Variants in MACROD2 observed in about 807,000 individuals in gnomAD.
MACROD2 encodes ADP-ribose glycohydrolase MACROD2.
In MACROD2, 36 loss-of-function variants were observed where a neutral mutation model predicts 70.4. The ratio of observed to expected loss-of-function variants is 0.51; its 90% CI spans 0.39 to 0.68. The LOEUF (loss-of-function observed/expected upper bound fraction) is 0.68, where lower values mean the gene tolerates loss of function less well. Among genes scored for constraint, MACROD2 ranks in the 30% least tolerant of loss-of-function variants. The probability of loss-of-function intolerance (pLI) is 0.00; values close to 1 mark genes in which losing one functional copy is unlikely to be tolerated. For missense variants in MACROD2, 496 were observed against 538.4 expected (o/e 0.92, Z 0.78); for synonymous variants, 172 against 178.8 (o/e 0.96, Z 0.30).
intron 3 of MACROD2, among the ~76,000 whole-genome samples, chr20:14,430,913 C>G (rs1400870829): frequency 6.6e-6 from 1 of 152,150 alleles, no homozygotes; most frequent in East Asian, 1.9e-4. Context: ...GAGTCTCAGA[C>G]TTTTGGAGCT....
At chr20:15,841,608 G>A (rs537904384) in intron 8 of MACROD2, among the ~76,000 whole-genome samples, 1 of 152,026 alleles carries the variant, frequency 6.6e-6, no homozygotes, top group African/African-American at 2.4e-5. Flanking sequence ...TTTACGGGAT[G>A]GTGCTAAGAC....
chr20:14,350,806 G>T (rs1484883326), intron 3 of MACROD2, among the ~76,000 whole-genome samples: 3 of 152,116 alleles, frequency 2.0e-5, no homozygotes, highest in Non-Finnish European at 4.4e-5. Context: ...CTGTGCTTGT[G>T]GGGTATTACT....
intron 4 of MACROD2, among the ~76,000 whole-genome samples, chr20:14,510,732 A>G (rs1296539755): frequency 1.3e-5 from 2 of 152,108 alleles, no homozygotes; most frequent in African/African-American, 4.8e-5. Flanking sequence ...GAGGGCACAA[A>G]TAGCCTCTAT....
chr20:15,981,708 C>T (rs1488496391), intron 13 of MACROD2, among the ~76,000 whole-genome samples: 6 of 152,124 alleles, frequency 3.9e-5, no homozygotes, highest in African/African-American at 7.2e-5. Context: ...GTCTTTGAAC[C>T]TCCTTTCTTA....
At chr20:14,752,684 C>T (rs919788972) in intron 5 of MACROD2, among the ~76,000 whole-genome samples, 3 of 152,056 alleles carry the variant, frequency 2.0e-5, no homozygotes, top group Non-Finnish European at 4.4e-5. Flanking sequence ...AGGTAAAATG[C>T]CTGACAGACC....
At chr20:14,302,025 A>G (rs1287662147) in intron 3 of MACROD2, among the ~76,000 whole-genome samples, 3 of 152,226 alleles carry the variant, frequency 2.0e-5, no homozygotes, top group African/African-American at 7.2e-5. Flanking sequence ...AGTACAGTAT[A>G]TAGTTTTCTG....
intron 15 of MACROD2, among the ~76,000 whole-genome samples, chr20:16,010,733 C>T (rs1179195411): frequency 6.6e-6 from 1 of 152,174 alleles, no homozygotes; most frequent in Non-Finnish European, 1.5e-5. Flanking sequence ...TCCATCCCTT[C>T]TGGGGAAAGA....
chr20:14,100,819 CAT>C (rs1422276753), intron 3 of MACROD2, among the ~76,000 whole-genome samples: 4 of 127,938 alleles, frequency 3.1e-5, no homozygotes, highest in African/African-American at 1.1e-4. Flanking sequence ...AATCATATAT[CAT>C]ATATAACATA....
At chr20:15,037,697 A>C (rs1469567428) in intron 5 of MACROD2, among the ~76,000 whole-genome samples, 2 of 151,236 alleles carry the variant, frequency 1.3e-5, no homozygotes, top group African/African-American at 4.9e-5. Flanking sequence ...TTTTTTTTGA[A>C]CCAGACTTGA....
intron 5 of MACROD2, among the ~76,000 whole-genome samples, chr20:15,186,833 A>T (rs750360463): frequency 2.1e-4 from 32 of 152,184 alleles, no homozygotes; most frequent in Non-Finnish European, 4.1e-4. Flanking sequence ...ATATCTTAGA[A>T]GTCTCATTTG....
At chr20:14,777,389 C>CA (rs2072247054) in intron 5 of MACROD2, among the ~76,000 whole-genome samples, 1 of 151,952 alleles carries the variant, frequency 6.6e-6, no homozygotes, top group African/African-American at 2.4e-5. Flanking sequence ...TAGATCCCAC[C>CA]AAGATGGCTG....
At chr20:14,449,232 G>A (rs2084218520) in intron 3 of MACROD2, among the ~76,000 whole-genome samples, 1 of 152,056 alleles carries the variant, frequency 6.6e-6, no homozygotes, top group Admixed American at 6.6e-5. Flanking sequence ...AATTGAAAAA[G>A]TTGCTCTTAA....
At chr20:15,567,735 A>G (rs549479021) in intron 8 of MACROD2, among the ~76,000 whole-genome samples, 1 of 152,354 alleles carries the variant, frequency 6.6e-6, no homozygotes, top group South Asian at 2.1e-4. Flanking sequence ...TCCAGGTGGT[A>G]GCACATGAGT....
intron 8 of MACROD2, among the ~76,000 whole-genome samples, chr20:15,505,581 C>T (rs1028808641): frequency 5.9e-5 from 9 of 152,100 alleles, no homozygotes; most frequent in African/African-American, 2.2e-4. Context: ...TGAGGATGGA[C>T]TCCTTCCCGC....
At chr20:14,017,066 G>C (rs1016394797) in intron 2 of MACROD2, among the ~76,000 whole-genome samples, 2 of 151,864 alleles carry the variant, frequency 1.3e-5, no homozygotes, top group African/African-American at 4.8e-5. Context: ...TCACATCCTT[G>C]GTTAAGTATA....
At chr20:14,489,403 A>G (rs2084769095) in intron 3 of MACROD2, among the ~76,000 whole-genome samples, 1 of 152,210 alleles carries the variant, frequency 6.6e-6, no homozygotes, top group South Asian at 2.1e-4. Context: ...ATTTTAATTT[A>G]TCAGATTTTT....
intron 3 of MACROD2, among the ~76,000 whole-genome samples, chr20:14,123,148 T>C (rs2054606061): frequency 6.6e-6 from 1 of 152,202 alleles, no homozygotes. Context: ...TCGGAAAGTA[T>C]ACAATTCTTA....
chr20:14,337,648 C>T lies in MACROD2; in HGVS notation c.272-155831C>T, dbSNP rs540884356. ...TCCAAGTCTGAAGTTTAAAGCTTCA[C>T]CTCGCAGTGGCTGAAGAAGGGGGTG... On this transcript the variant is annotated intron_variant, in intron 3 of 17. Coordinates refer to ENST00000684519, the MANE Select transcript of MACROD2 (RefSeq NM_001351661.2). The T allele has an allele frequency of 2.5e-5, 10 of 398,390 alleles. No individual in the cohort carries two copies. In the East Asian group the frequency reaches 3.2e-4, roughly 13 times the overall value. The allele number at this position is 398,390 out of a possible 1,614,324, so 24.7% of individuals were successfully genotyped here.
intron 3 of MACROD2, among the ~76,000 whole-genome samples, chr20:14,352,133 T>A (rs1369164209): frequency 6.6e-6 from 1 of 152,218 alleles, no homozygotes; most frequent in African/African-American, 2.4e-5. Context: ...TTTGCTAGTA[T>A]TTTGGTGAGG....
Sources: gnomAD v4.1 joint callset for allele counts (sites outside exome capture counted in the v4.1 genomes callset) on GRCh38, gnomAD v4.1.1 for gene constraint, MANE v1.5 for transcripts, NCBI Gene and HGNC (gene_info 2026-07-23, HGNC 2026-07-21) for gene names.